RASGEF1B: variants seen among roughly 807,000 people sequenced by gnomAD.
RASGEF1B encodes RasGEF domain family member 1B, also known as ras-GEF domain-containing family member 1B.
In RASGEF1B, 30 loss-of-function variants were observed where a neutral mutation model predicts 65.7. The ratio of observed to expected loss-of-function variants is 0.46; its 90% CI spans 0.34 to 0.62. The LOEUF (loss-of-function observed/expected upper bound fraction) is 0.62, where lower values mean the gene tolerates loss of function less well. Ranked by LOEUF, RASGEF1B falls within the 20% of genes least tolerant of loss-of-function variation. The pLI, the probability that RASGEF1B is intolerant of heterozygous loss-of-function variation, is 0.01. For missense variants in RASGEF1B, 495 were observed against 580.1 expected, an observed-to-expected ratio of 0.85 and a Z score of 1.51; for synonymous variants, 175 against 194.8, an observed-to-expected ratio of 0.90 and a Z score of 0.85.
rs774109685 is a variant in RASGEF1B at position 81,445,573 on chromosome 4, C to T, written c.881G>A (p.Arg294Gln). Residue 294 changes from arginine to glutamine, a missense_variant, in exon 8 of 14, where the codon CGG (arginine) becomes CAG (glutamine). Coordinates refer to ENST00000264400, the MANE Select transcript of RASGEF1B (RefSeq NM_152545.3). Reference protein sequence around the residue: ...RMIEYFIDVARECFNIGNFNS... With the variant: ...RMIEYFIDVAQECFNIGNFNS... ...GAAGTTGCCAATGTTAAAACACTCCCGAGCTACGTCAATGAAATACTCAAT... is the reference window on the plus strand; with the variant it reads ...GAAGTTGCCAATGTTAAAACACTCCTGAGCTACGTCAATGAAATACTCAAT... 1.2e-6 allele frequency: 2 copies of T among 1,614,046 alleles called. No homozygotes were observed. Among genetic ancestry groups the T allele is most frequent in the Non-Finnish European group, 1.7e-6 (2 of 1,179,938 alleles).
chr4:81,466,673 T>G lies in RASGEF1B; in HGVS notation c.-7+5097A>C, dbSNP rs576775791. Among the ~76,000 whole-genome samples the G allele has an allele frequency of 2.0e-3, 303 of 149,740 alleles. 1 individual carries two copies. The Middle Eastern group carries it at 0.027, about 14-fold the overall frequency. ...ACTGGGGAGGCTGAGGCAGGAGAAT[T>G]GTTTGAACCTGGAAGACAGAGGTTG... On this transcript the variant is annotated intron_variant, in intron 1 of 13. Coordinates refer to ENST00000264400, the MANE Select transcript of RASGEF1B (RefSeq NM_152545.3).
chr4:81,470,903 G>GGC (rs1464214476), intron 1 of RASGEF1B: 2 of 152,444 alleles, frequency 1.3e-5, no homozygotes, highest in East Asian at 3.8e-4. Flanking sequence ...CACACACAAA[G>GGC]GCGCGCGCAC....
rs1232893684 is a variant in RASGEF1B, at chr4:81,459,280, G to A, written c.177+52C>T. 1.7e-5 allele frequency: 24 copies of A among 1,396,478 alleles called. 1 individual carries two copies. The highest frequency in any genetic ancestry group is 2.2e-5 in the Non-Finnish European group (23 of 1,032,388). The allele number at this position is 1,396,478 out of a possible 1,614,324, so 86.5% of individuals were successfully genotyped here. On this transcript the variant is annotated intron_variant, in intron 2 of 13. Coordinates refer to ENST00000264400, the MANE Select transcript of RASGEF1B (RefSeq NM_152545.3). Reference sequence around the variant, plus strand: ...ATCTATGGTCCCTGCCTACTGTACTGCAATTTCTACTCATTGCCAAGGATG... The same window carrying A: ...ATCTATGGTCCCTGCCTACTGTACTACAATTTCTACTCATTGCCAAGGATG...
chr4:81,456,322 C>T, intron 4 of RASGEF1B: 1 of 586,082 alleles, frequency 1.7e-6, no homozygotes, highest in South Asian at 2.2e-5. Context: ...CATTTATCAT[C>T]TAACTAGCTG....
intron 9 of RASGEF1B, 138 bp from the exon 10 acceptor site, chr4:81,441,067 T>C: frequency 1.7e-6 from 1 of 580,872 alleles, no homozygotes; most frequent in Non-Finnish European, 3.0e-6. Flanking sequence ...TTTATCCTTC[T>C]CATACACACA....
rs1373463175 is a variant in RASGEF1B, at chr4:81,459,422, T to C, written c.87A>G (p.Gly29=). 6.2e-7 allele frequency: 1 copy of C among 1,613,562 alleles called. No homozygotes were observed. Among genetic ancestry groups the C allele is most frequent in the East Asian group, 2.2e-5 (1 of 44,852 alleles). The part of the protein sequence containing the change: ...NLYQSAEDSC[G]GLYYHDNNLL... The stretch of plus-strand genomic sequence containing the variant: ...GGTTGTTGTCATGGTAATACAACCC[T>C]CCACAGCTGTCCTCTGCAGACTGAT... Residue 29 remains glycine, a synonymous_variant, in exon 2 of 14, where the codon GGA becomes GGG. Coordinates refer to ENST00000264400, the MANE Select transcript of RASGEF1B (RefSeq NM_152545.3).
At chr4:81,461,415 T>C (rs1393106345) in intron 1 of RASGEF1B, among the ~76,000 whole-genome samples, 1 of 152,224 alleles carries the variant, frequency 6.6e-6, no homozygotes, top group African/African-American at 2.4e-5. Flanking sequence ...AGGAGTGTCA[T>C]GCCCTTGGAA....
rs1339961252 is a variant in RASGEF1B, at chr4:81,445,513, A to T, written c.928+13T>A. The T allele has an allele frequency of 1.3e-6, 2 of 1,560,482 alleles. No individual in the cohort carries two copies. Among genetic ancestry groups the T allele is most frequent in the Non-Finnish European group, 8.8e-7 (1 of 1,131,932 alleles). ...TAAAGATAAACGACATGTATCCTCC[A>T]CAAAATACTCACAGATTATCGCCAT... On this transcript the variant is annotated intron_variant, in intron 8 of 13. Coordinates refer to ENST00000264400, the MANE Select transcript of RASGEF1B (RefSeq NM_152545.3).
chr4:81,467,801 A>T (rs182081436), intron 1 of RASGEF1B, among the ~76,000 whole-genome samples: 97 of 152,326 alleles, frequency 6.4e-4, no homozygotes, highest in Non-Finnish European at 1.2e-3. Flanking sequence ...GTAGGTGCTC[A>T]TCTATAATGA....
chr4:81,449,163 G>A (rs964837455), intron 4 of RASGEF1B, among the ~76,000 whole-genome samples: 3 of 152,108 alleles, frequency 2.0e-5, no homozygotes, highest in Admixed American at 6.6e-5. Flanking sequence ...AGGAAGCAGT[G>A]GATATTCATT....
intron 10 of RASGEF1B, among the ~76,000 whole-genome samples, chr4:81,439,012 G>A (rs1721743067): frequency 6.6e-6 from 1 of 152,016 alleles, no homozygotes; most frequent in South Asian, 2.1e-4. Flanking sequence ...AATGTTCCAT[G>A]TCTTTGCTAT....
chr4:81,433,921 A>G lies in RASGEF1B; in HGVS notation c.1243T>C (p.Trp415Arg). ...LAKQVSEFMT[W>R]KQVECPFERD... Reference sequence around the variant, plus strand: ...TCAAATGGACACTCCACTTGTTTCCATGTCATAAATTCACTCACTTGTTTG... The same window carrying G: ...TCAAATGGACACTCCACTTGTTTCCGTGTCATAAATTCACTCACTTGTTTG... Residue 415 changes from tryptophan to arginine, a missense_variant, in exon 12 of 14, where the codon TGG (tryptophan) becomes CGG (arginine). Trp to Arg is a moderately radical substitution (Grantham distance 101, BLOSUM62 -3). Transcript: ENST00000264400. The G allele has an allele frequency of 6.2e-7, 1 of 1,614,072 alleles. No homozygotes were observed. Among genetic ancestry groups the G allele is most frequent in the Non-Finnish European group, 8.5e-7 (1 of 1,179,942 alleles).
chr4:81,434,609 G>T, intron 11 of RASGEF1B, 30 bp downstream of exon 11: 2 of 1,371,134 alleles, frequency 1.5e-6, no homozygotes, highest in Non-Finnish European at 2.1e-6. Flanking sequence ...CTTGTGCTTG[G>T]ATTTTTGTAT....
intron 10 of RASGEF1B, among the ~76,000 whole-genome samples, chr4:81,439,084 T>C (rs1374723041): frequency 2.0e-5 from 3 of 152,178 alleles, no homozygotes; most frequent in Non-Finnish European, 4.4e-5. Flanking sequence ...TGATTTATAT[T>C]CCTTTGAGTA....
At chr4:81,450,385 A>G (rs1239342952) in intron 4 of RASGEF1B, among the ~76,000 whole-genome samples, 1 of 137,474 alleles carries the variant, frequency 7.3e-6, no homozygotes, top group Non-Finnish European at 1.5e-5. Context: ...TGACTGACTG[A>G]GACAGAGTCT....
chr4:81,428,925 T>C (rs544346617), intron 13 of RASGEF1B, among the ~76,000 whole-genome samples: 57 of 152,372 alleles, frequency 3.7e-4, no homozygotes, highest in African/African-American at 1.3e-3. Flanking sequence ...TATAATAGCC[T>C]GTTTTATTTT....
At chr4:81,432,755 C>T (rs895584977) in intron 12 of RASGEF1B, among the ~76,000 whole-genome samples, 2 of 151,648 alleles carry the variant, frequency 1.3e-5, no homozygotes, top group African/African-American at 4.8e-5. Flanking sequence ...TTTTAAAACT[C>T]TTTACTAGGT....
intron 12 of RASGEF1B, 88 bp from the exon 13 acceptor site, chr4:81,432,459 C>T (rs959184106): frequency 1.0e-5 from 8 of 775,164 alleles, no homozygotes; most frequent in Admixed American, 2.1e-5. Flanking sequence ...TTGAGCCAAA[C>T]TCCATAGCAA....
intron 10 of RASGEF1B, among the ~76,000 whole-genome samples, chr4:81,438,699 G>A (rs1021516791): frequency 3.8e-4 from 58 of 151,896 alleles, no homozygotes; most frequent in African/African-American, 1.4e-3. Context: ...TTAGGTATTT[G>A]TCCTAATGCT....
Sources: gnomAD v4.1 joint callset for allele counts (sites outside exome capture counted in the v4.1 genomes callset) on GRCh38, gnomAD v4.1.1 for gene constraint, MANE v1.5 for transcripts, NCBI Gene and HGNC (gene_info 2026-07-23, HGNC 2026-07-21) for gene names.